FANCB: variants seen among roughly 807,000 people sequenced by gnomAD.
FANCB encodes Fanconi anemia group B protein.
In FANCB, 5 loss-of-function variants were observed where a neutral mutation model predicts 38.9. The ratio of observed to expected loss-of-function variants is 0.13; its 90% CI spans 0.07 to 0.27. The LOEUF (loss-of-function observed/expected upper bound fraction) is 0.27. Among genes scored for constraint, FANCB ranks in the 10% least tolerant of loss-of-function variants. The pLI, the probability that FANCB is intolerant of heterozygous loss-of-function variation, is 1.00. For missense variants in FANCB, 573 were observed against 602.7 expected, an observed-to-expected ratio of 0.95 and a Z score of 0.52; for synonymous variants, 236 against 215.4, an observed-to-expected ratio of 1.10 and a Z score of -0.84.
the FANCB span, among the ~76,000 whole-genome samples, chrX:14,757,154 T>C: frequency 6.7e-4 from 75 of 112,229 alleles, no homozygotes; most frequent in African/African-American, 2.3e-3. Flanking sequence ...AAAAACAGTA[T>C]AAAAGTTGTC....
At chrX:14,761,301 C>T in the FANCB span, among the ~76,000 whole-genome samples, 1 of 111,052 alleles carries the variant, frequency 9.0e-6, no homozygotes, top group African/African-American at 3.3e-5. Flanking sequence ...CCATGCCCCA[C>T]CTAAAAGATT....
chrX:14,867,329 A>AAT (rs770715120), intron 2 of FANCB, among the ~76,000 whole-genome samples: 321 of 112,051 alleles, frequency 2.9e-3, no homozygotes, highest in African/African-American at 9.7e-3. Context: ...CTGACTTCAA[A>AAT]ATATACTATA....
the FANCB span, among the ~76,000 whole-genome samples, chrX:14,776,181 A>T: frequency 8.9e-6 from 1 of 111,850 alleles, no homozygotes; most frequent in Non-Finnish European, 1.9e-5. Context: ...ATAAAGAAAA[A>T]AGAGGTTTCC....
the FANCB span, among the ~76,000 whole-genome samples, chrX:14,720,143 T>A: frequency 9.0e-6 from 1 of 111,115 alleles, no homozygotes; most frequent in African/African-American, 3.3e-5. Flanking sequence ...CAGTAAACAA[T>A]AATTTATTGT....
At chrX:14,723,155 C>T in the FANCB span, among the ~76,000 whole-genome samples, 1 of 112,084 alleles carries the variant, frequency 8.9e-6, no homozygotes, top group Non-Finnish European at 1.9e-5. Context: ...TCACCTACCC[C>T]ATGTATCTAT....
At chrX:14,690,491 C>T in the FANCB span, among the ~76,000 whole-genome samples, 4 of 111,726 alleles carry the variant, frequency 3.6e-5, no homozygotes, top group Non-Finnish European at 3.8e-5. Context: ...GCTACTGGTT[C>T]AGGGGCGTGT....
chrX:14,706,561 T>C, the FANCB span, among the ~76,000 whole-genome samples: 2 of 112,247 alleles, frequency 1.8e-5, no homozygotes, highest in Non-Finnish European at 3.8e-5. Flanking sequence ...AACCCTATGT[T>C]GCTTGTTGTT....
At chrX:14,740,348 A>G in the FANCB span, among the ~76,000 whole-genome samples, 107 of 110,863 alleles carry the variant, frequency 9.7e-4, no homozygotes, top group African/African-American at 3.3e-3. Flanking sequence ...CAGAGTCCTC[A>G]CTTTGGCCAC....
chrX:14,818,139 G>A, the FANCB span, among the ~76,000 whole-genome samples: 2 of 110,858 alleles, frequency 1.8e-5, no homozygotes, highest in African/African-American at 6.6e-5. Context: ...TGTCAAAGGA[G>A]TGAGAAAGCA....
intron 10 of FANCB, among the ~76,000 whole-genome samples, chrX:14,836,656 T>G (rs371043716): frequency 8.0e-5 from 9 of 112,215 alleles, no homozygotes; most frequent in African/African-American, 2.9e-4. Flanking sequence ...TGCTTTGGTT[T>G]GAACTTTTTT....
downstream of FANCB, among the ~76,000 whole-genome samples, chrX:14,839,840 T>A (rs897723310): frequency 3.6e-5 from 4 of 109,921 alleles, no homozygotes; most frequent in Middle Eastern, 4.7e-3. Context: ...AAACCTTGAG[T>A]TCTGTTACAA....
At chrX:14,842,076 C>T (rs2092356767), downstream of FANCB, among the ~76,000 whole-genome samples, 1 of 111,327 alleles carries the variant, frequency 9.0e-6, no homozygotes, top group Non-Finnish European at 1.9e-5. Context: ...CAGAACATGT[C>T]ATGGGCAGTT....
the FANCB span, among the ~76,000 whole-genome samples, chrX:14,777,276 A>AG: frequency 3.1e-4 from 35 of 112,399 alleles, no homozygotes; most frequent in African/African-American, 9.4e-4. Context: ...GATTTTTCAC[A>AG]GGGGTCTACC....
chrX:14,830,793 T>C, the FANCB span, among the ~76,000 whole-genome samples: 369 of 112,122 alleles, frequency 3.3e-3, 2 homozygotes, highest in African/African-American at 0.011. Context: ...TATCCGCTGA[T>C]GGATGCCCAT....
At chrX:14,831,403 G>A (rs895846824), downstream of FANCB, among the ~76,000 whole-genome samples, 2 of 111,973 alleles carry the variant, frequency 1.8e-5, no homozygotes, top group African/African-American at 6.5e-5. Context: ...TTATACCTGT[G>A]AACACTGCAA....
chrX:14,740,976 GCACA>G, the FANCB span, among the ~76,000 whole-genome samples: 1 of 108,677 alleles, frequency 9.2e-6, no homozygotes, highest in African/African-American at 3.3e-5. Flanking sequence ...ACACACACAC[GCACA>G]CACACACACG....
At chrX:14,724,626 CAAAAAAAAAAAA>C in the FANCB span, among the ~76,000 whole-genome samples, 1 of 49,615 alleles carries the variant, frequency 2.0e-5, no homozygotes, top group Non-Finnish European at 3.3e-5. Context: ...AACTCTGTCT[CAAAAAAAAAAAA>C]AAAAAAAAAA....
chrX:14,868,368 C>A (rs73441306), intron 2 of FANCB, among the ~76,000 whole-genome samples: 1 of 111,641 alleles, frequency 9.0e-6, no homozygotes, highest in Non-Finnish European at 1.9e-5. Flanking sequence ...TGGTGCATAG[C>A]GTGGAATACT....
At chrX:14,815,331 T>C in the FANCB span, among the ~76,000 whole-genome samples, 15 of 97,124 alleles carry the variant, frequency 1.5e-4, 1 homozygote, top group African/African-American at 5.4e-4. Context: ...TAAAAAAAAG[T>C]GGGGGGGAAG....
Sources: gnomAD v4.1 joint callset for allele counts (sites outside exome capture counted in the v4.1 genomes callset) on GRCh38, gnomAD v4.1.1 for gene constraint, MANE v1.5 for transcripts, NCBI Gene and HGNC (gene_info 2026-07-23, HGNC 2026-07-21) for gene names.